The following LRP1B variants were observed in gnomAD, a reference collection of about 807,000 sequenced individuals.
LRP1B encodes LDL receptor related protein 1B.
A neutral mutation model predicts 556.6 loss-of-function variants in LRP1B; 217 were observed. That is an observed-to-expected ratio of 0.39 (90% CI 0.35 to 0.44). The LOEUF (loss-of-function observed/expected upper bound fraction) is 0.44, where lower values mean the gene tolerates loss of function less well. Among genes scored for constraint, LRP1B ranks in the 20% least tolerant of loss-of-function variants. The pLI is 1.00. For synonymous variants in LRP1B, 2,047 were observed against 1,865.8 expected, an observed-to-expected ratio of 1.10 and a Z score of -2.50; for missense variants, 5,053 against 5,620.8, an observed-to-expected ratio of 0.90 and a Z score of 3.23.
At chr2:141,467,822 T>A (rs58078398) in intron 3 of LRP1B, among the ~76,000 whole-genome samples, 1 of 26,920 alleles carries the variant, frequency 3.7e-5, no homozygotes, top group Admixed American at 3.7e-4. Flanking sequence ...TGTTTGTTTG[T>A]TTGTTTGTTT....
At chr2:141,175,741 C>A (rs535092088) in intron 7 of LRP1B, among the ~76,000 whole-genome samples, 4 of 152,066 alleles carry the variant, frequency 2.6e-5, no homozygotes, top group Non-Finnish European at 4.4e-5. Flanking sequence ...AGATTACCAC[C>A]ATCCTCCAGA....
intron 66 of LRP1B, among the ~76,000 whole-genome samples, chr2:140,396,792 T>G (rs966477962): frequency 6.6e-6 from 1 of 152,210 alleles, no homozygotes; most frequent in African/African-American, 2.4e-5. Flanking sequence ...TTTTATTATT[T>G]TGTACTTCAA....
chr2:141,312,437 T>C (rs1050980721), intron 3 of LRP1B, among the ~76,000 whole-genome samples: 3 of 152,214 alleles, frequency 2.0e-5, no homozygotes, highest in African/African-American at 7.2e-5. Context: ...GTTAATTTAC[T>C]GTTTATGTGA....
chr2:140,253,547 C>G (rs1229462248), intron 86 of LRP1B, among the ~76,000 whole-genome samples: 1 of 151,938 alleles, frequency 6.6e-6, no homozygotes, highest in Non-Finnish European at 1.5e-5. Flanking sequence ...AATGTTTAAA[C>G]ATAAAATGTT....
intron 1 of LRP1B, among the ~76,000 whole-genome samples, chr2:141,949,864 A>G (rs2105031464): frequency 6.6e-6 from 1 of 152,288 alleles, no homozygotes; most frequent in Admixed American, 6.5e-5. Context: ...ACTACATTTC[A>G]GTGAAGATTT....
intron 3 of LRP1B, among the ~76,000 whole-genome samples, chr2:141,414,605 A>C (rs538916981): frequency 5.3e-5 from 8 of 152,372 alleles, no homozygotes; most frequent in African/African-American, 1.9e-4. Context: ...CCAAGTAAAT[A>C]GGATTCCCTG....
intron 68 of LRP1B, among the ~76,000 whole-genome samples, chr2:140,373,646 G>T (rs770288767): frequency 6.6e-6 from 1 of 151,956 alleles, no homozygotes; most frequent in Non-Finnish European, 1.5e-5. Flanking sequence ...TCTACCTGGC[G>T]CAATAGCCCC....
chr2:140,407,968 C>CAT (rs751664682), intron 66 of LRP1B, among the ~76,000 whole-genome samples: 228 of 151,774 alleles, frequency 1.5e-3, no homozygotes, highest in Middle Eastern at 3.4e-3. Context: ...AAAAATATGG[C>CAT]ATATATATAC....
At chr2:141,016,402 G>A (rs1313524712) in intron 12 of LRP1B, among the ~76,000 whole-genome samples, 1 of 152,076 alleles carries the variant, frequency 6.6e-6, no homozygotes, top group African/African-American at 2.4e-5. Flanking sequence ...TTTAAGACAG[G>A]TAATTGGACT....
At chr2:140,313,417 C>T (rs1464345576) in intron 83 of LRP1B, among the ~76,000 whole-genome samples, 1 of 151,826 alleles carries the variant, frequency 6.6e-6, no homozygotes, top group Non-Finnish European at 1.5e-5. Flanking sequence ...TATCTATATA[C>T]AACTCAGGAT....
At chr2:140,260,595 CA>C (rs1343817765) in intron 86 of LRP1B, among the ~76,000 whole-genome samples, 1 of 151,714 alleles carries the variant, frequency 6.6e-6, no homozygotes, top group African/African-American at 2.4e-5. Flanking sequence ...ACATTAGCCA[CA>C]ACTTTGTGGC....
intron 83 of LRP1B, among the ~76,000 whole-genome samples, chr2:140,308,769 G>GTTATAAATGT (rs1684172811): frequency 1.3e-5 from 2 of 151,774 alleles, no homozygotes; most frequent in Admixed American, 1.3e-4. Context: ...GCAGAGCATA[G>GTTATAAATGT]TTATAAATGT....
Position 140,789,990 on chromosome 2 carries a change from G to A in LRP1B, c.5360-13752C>T, listed in dbSNP as rs187781644. On this transcript the variant is annotated intron_variant, in intron 32 of 90. Transcript: ENST00000389484. ...AGCTCTTCCTTAGAAATTTTCACAC[G>A]GCTGATCTTTCTTGTCATCCAGATC... is the stretch of plus-strand genomic sequence containing the variant. Among the ~76,000 whole-genome samples the A allele has an allele frequency of 7.7e-4, 117 of 151,930 alleles. 1 individual carries two copies. The highest frequency in any genetic ancestry group is 5.4e-3 in the Admixed American group (83 of 15,246).
At chr2:140,684,230 T>C (rs935519549) in intron 41 of LRP1B, among the ~76,000 whole-genome samples, 2 of 152,226 alleles carry the variant, frequency 1.3e-5, no homozygotes, top group Non-Finnish European at 2.9e-5. Context: ...GGTGAAAAAT[T>C]ACTTAAAAAA....
At chr2:140,818,034 T>C (rs1691188833) in intron 31 of LRP1B, among the ~76,000 whole-genome samples, 1 of 152,188 alleles carries the variant, frequency 6.6e-6, no homozygotes. Context: ...TTTTGTGATA[T>C]ACAATTTAAA....
chr2:141,101,544 T>TA (rs1700461004), intron 7 of LRP1B, among the ~76,000 whole-genome samples: 2 of 152,042 alleles, frequency 1.3e-5, no homozygotes, highest in Non-Finnish European at 2.9e-5. Context: ...AATTTAGGAA[T>TA]CAAAAAATAA....
chr2:141,077,466 T>C (rs557587141), intron 7 of LRP1B, among the ~76,000 whole-genome samples: 1 of 152,276 alleles, frequency 6.6e-6, no homozygotes, highest in African/African-American at 2.4e-5. Flanking sequence ...TAATATCAGG[T>C]TCTATGATAT....
chr2:141,545,459 C>CAT (rs1685517431), intron 2 of LRP1B, among the ~76,000 whole-genome samples: 1 of 152,140 alleles, frequency 6.6e-6, no homozygotes, highest in South Asian at 2.1e-4. Context: ...GCAAAAGGAA[C>CAT]CTTACAGATG....
At chr2:140,399,385 T>A (rs1425591743) in intron 66 of LRP1B, among the ~76,000 whole-genome samples, 1 of 152,186 alleles carries the variant, frequency 6.6e-6, no homozygotes, top group East Asian at 1.9e-4. Context: ...TTTCAAATGT[T>A]ACTCAAAATG....
Sources: allele counts gnomAD v4.1 joint callset (sites outside exome capture counted in the v4.1 genomes callset), GRCh38; gene constraint gnomAD v4.1.1; transcripts MANE v1.5; gene names NCBI Gene and HGNC (gene_info 2026-07-23, HGNC 2026-07-21).